FAM149B1: variants seen among roughly 807,000 people sequenced by gnomAD.
FAM149B1 encodes the protein primary cilium assembly protein FAM149B1.
In FAM149B1, 56 loss-of-function variants were observed where a neutral mutation model predicts 75.3. The ratio of observed to expected loss-of-function variants is 0.74; its 90% CI spans 0.60 to 0.93. The LOEUF is 0.93. Ranked by LOEUF, FAM149B1 falls within the 40% of genes least tolerant of loss-of-function variation. The pLI, the probability that FAM149B1 is intolerant of heterozygous loss-of-function variation, is 0.00. For synonymous variants in FAM149B1, 259 were observed against 256.1 expected, an observed-to-expected ratio of 1.01 and a Z score of -0.11; for missense variants, 639 against 708.4, an observed-to-expected ratio of 0.90 and a Z score of 1.11.
chr10:73,235,394 C>T lies in FAM149B1; in HGVS notation c.1602+76C>T, dbSNP rs1015514278. 6 of 1,534,700 alleles carry T rather than the reference C, an allele frequency of 3.9e-6. No individual in the cohort carries two copies. The Admixed American group carries it at 1.0e-4, about 26-fold the overall frequency. On this transcript the variant is annotated intron_variant, in intron 12 of 13. Coordinates refer to ENST00000242505, the MANE Select transcript of FAM149B1 (RefSeq NM_173348.2). ...GTGGGGGGAATAATAGTTTGGCAGA[C>T]TTAAGATTTTATCTAGAGGCTTAAC...
At chr10:73,233,628 A>G (rs1386864534) in intron 10 of FAM149B1, among the ~76,000 whole-genome samples, 14 of 152,212 alleles carry the variant, frequency 9.2e-5, no homozygotes, top group Admixed American at 9.2e-4. Context: ...ACAGGTGTGA[A>G]CCACCGCACC....
chr10:73,189,785 T>C (rs2042636400), intron 3 of FAM149B1, among the ~76,000 whole-genome samples: 1 of 152,240 alleles, frequency 6.6e-6, no homozygotes, highest in African/African-American at 2.4e-5. Context: ...AAAGGAATGT[T>C]AGTTACTAGG....
chr10:73,206,342 G>A (rs183027637), intron 5 of FAM149B1, among the ~76,000 whole-genome samples: 1 of 152,220 alleles, frequency 6.6e-6, no homozygotes, highest in East Asian at 1.9e-4. Context: ...ACTTAAAGTT[G>A]GAATTTATAT....
At chr10:73,209,950 C>T (rs2043151623) in intron 6 of FAM149B1, among the ~76,000 whole-genome samples, 1 of 152,084 alleles carries the variant, frequency 6.6e-6, no homozygotes, top group Non-Finnish European at 1.5e-5. Flanking sequence ...ACGTATCACT[C>T]ATGTGCACAC....
At chr10:73,190,567 G>T (rs1196260645) in intron 3 of FAM149B1, among the ~76,000 whole-genome samples, 1 of 151,872 alleles carries the variant, frequency 6.6e-6, no homozygotes, top group Non-Finnish European at 1.5e-5. Context: ...TCATTTTTAG[G>T]GTGAAAATAC....
chr10:73,190,344 A>G (rs1454777968), intron 3 of FAM149B1, among the ~76,000 whole-genome samples: 1 of 152,038 alleles, frequency 6.6e-6, no homozygotes, highest in East Asian at 1.9e-4. Context: ...CCAGGTTGGA[A>G]CACAATGGCT....
At chr10:73,233,214 T>C (rs2043751403) in intron 10 of FAM149B1, 51 bp downstream of exon 10, 1 of 1,220,256 alleles carries the variant, frequency 8.2e-7, no homozygotes, top group South Asian at 1.3e-5. Flanking sequence ...CTAACACATT[T>C]TACATACAGA....
At chr10:73,237,838 C>T (rs560532039) in intron 12 of FAM149B1, among the ~76,000 whole-genome samples, 10 of 152,260 alleles carry the variant, frequency 6.6e-5, no homozygotes, top group Non-Finnish European at 1.2e-4. Context: ...ATCCTCCCAC[C>T]GCAGCCTCCC....
At chr10:73,204,017 A>C (rs1589161135) in intron 5 of FAM149B1, among the ~76,000 whole-genome samples, 1 of 152,196 alleles carries the variant, frequency 6.6e-6, no homozygotes, top group East Asian at 1.9e-4. Flanking sequence ...ACTGAATCAA[A>C]GAAAATGTTT....
At chr10:73,222,954 C>T (rs866671446) in intron 7 of FAM149B1, among the ~76,000 whole-genome samples, 11 of 152,072 alleles carry the variant, frequency 7.2e-5, no homozygotes, top group Admixed American at 1.3e-4. Flanking sequence ...TTTGTCTCTA[C>T]AAAAAGTAAA....
At chr10:73,206,238 G>T (rs2043051264) in intron 5 of FAM149B1, among the ~76,000 whole-genome samples, 1 of 152,204 alleles carries the variant, frequency 6.6e-6, no homozygotes, top group Non-Finnish European at 1.5e-5. Flanking sequence ...ATGACGTAGG[G>T]TATTGGGTAG....
chr10:73,221,357 G>T (rs768229551), intron 7 of FAM149B1, among the ~76,000 whole-genome samples: 1 of 148,888 alleles, frequency 6.7e-6, no homozygotes, highest in Non-Finnish European at 1.5e-5. Context: ...GTCTGCTAGT[G>T]ATTAACTGTT....
At chr10:73,239,411 T>G in intron 13 of FAM149B1, 27 bp downstream of exon 13, 1 of 1,526,218 alleles carries the variant, frequency 6.6e-7, no homozygotes, top group Non-Finnish European at 8.9e-7. Context: ...GGCCCTTATT[T>G]ACTACTGTGT....
Position 73,174,735 on chromosome 10 carries a change from G to T in FAM149B1, c.96G>T (p.Lys32Asn), listed in dbSNP as rs994178095. The part of the protein sequence containing the change: ...HALNHHPPPE[K>N]LEEISPTSDS... The stretch of plus-strand genomic sequence containing the variant: ...TTAACCATCATCCCCCTCCAGAGAA[G>T]CTGGAGGAAATTTCCCCCACCAGTG... Residue 32 changes from lysine (K) to asparagine (N), a missense_variant, in exon 2 of 14, where the codon AAG (lysine) becomes AAT (asparagine). Physicochemically the swap from Lys to Asn is moderately conservative, Grantham distance 94. Coordinates refer to ENST00000242505, the MANE Select transcript of FAM149B1 (RefSeq NM_173348.2). 6.4e-7 allele frequency: 1 copy of T among 1,551,454 alleles called. No individual in the cohort carries two copies.
At chr10:73,187,662 G>C (rs1015600729) in intron 3 of FAM149B1, among the ~76,000 whole-genome samples, 1 of 151,988 alleles carries the variant, frequency 6.6e-6, no homozygotes, top group Non-Finnish European at 1.5e-5. Context: ...CCAGGAGGTG[G>C]AGGTTGCTGT....
chr10:73,176,200 G>A (rs1843959463), intron 2 of FAM149B1, among the ~76,000 whole-genome samples: 2 of 151,940 alleles, frequency 1.3e-5, no homozygotes, highest in South Asian at 2.1e-4. Context: ...CCTTGCATGC[G>A]CAGTTTGTGC....
intron 1 of FAM149B1, among the ~76,000 whole-genome samples, chr10:73,172,445 A>G (rs999360589): frequency 3.9e-5 from 6 of 152,180 alleles, no homozygotes; most frequent in Admixed American, 6.5e-5. Context: ...TAACCAAATG[A>G]CCTTAAGCAG....
rs2043964912 is a variant in FAM149B1, at chr10:73,242,396, G to A, written c.*1377G>A. On this transcript the variant is annotated 3_prime_UTR_variant, in exon 14 of 14. Transcript: ENST00000242505. ...TTCACTATAACAACTGGATCAATAT[G>A]GCTTGCCTTTCAAAGTTAAAGAATC... 6.6e-6 allele frequency: 1 copy of A among 150,982 alleles called. No homozygotes were observed. Among genetic ancestry groups the A allele is most frequent in the Non-Finnish European group, 1.5e-5 (1 of 67,928 alleles). 9.4% of individuals were successfully genotyped at this position (150,982 alleles called of 1,614,324 possible). A position where few individuals can be genotyped will look rare whatever the true frequency, so the allele number is the denominator to read the frequency against.
At chr10:73,190,218 A>C (rs929175622) in intron 3 of FAM149B1, among the ~76,000 whole-genome samples, 24 of 152,066 alleles carry the variant, frequency 1.6e-4, no homozygotes, top group African/African-American at 5.8e-4. Context: ...AGAAAGAGGC[A>C]ATGTTCAAAG....
Sources: allele counts gnomAD v4.1 joint callset (sites outside exome capture counted in the v4.1 genomes callset), GRCh38; gene constraint gnomAD v4.1.1; transcripts MANE v1.5; gene names NCBI Gene and HGNC (gene_info 2026-07-23, HGNC 2026-07-21).